NCAPG2: variants seen among roughly 807,000 people sequenced by gnomAD.
NCAPG2 encodes the protein non-SMC condensin II complex subunit G2, also known as condensin-2 complex subunit G2.
Under a neutral mutation model 141.1 loss-of-function variants are expected in NCAPG2, and 53 were observed. The ratio of observed to expected loss-of-function variants is 0.38; its 90% CI spans 0.30 to 0.47. The LOEUF (loss-of-function observed/expected upper bound fraction) is 0.47, where lower values mean the gene tolerates loss of function less well. Among genes scored for constraint, NCAPG2 ranks in the 20% least tolerant of loss-of-function variants. The probability of loss-of-function intolerance (pLI) is 0.99; values close to 1 mark genes in which losing one functional copy is unlikely to be tolerated. For synonymous variants in NCAPG2, 499 were observed against 490.7 expected (o/e 1.02, Z -0.22); for missense variants, 1,087 against 1,389.0 (o/e 0.78, Z 3.46).
At chr7:158,662,143 A>G in intron 16 of NCAPG2, 51 bp downstream of exon 16, 1 of 1,501,916 alleles carries the variant, frequency 6.7e-7, no homozygotes, top group Non-Finnish European at 8.9e-7. Context: ...TTAAATTCTA[A>G]ACAAACGTAA....
chr7:158,697,335 C>G (rs1368497287), intron 2 of NCAPG2, among the ~76,000 whole-genome samples: 3 of 152,206 alleles, frequency 2.0e-5, no homozygotes. Flanking sequence ...GGCATGGTGG[C>G]TCACACCTGT....
intron 16 of NCAPG2, among the ~76,000 whole-genome samples, chr7:158,660,476 G>A (rs1273593386): frequency 1.4e-5 from 2 of 141,460 alleles, no homozygotes; most frequent in Admixed American, 7.5e-5. Flanking sequence ...AGTGAGTGCA[G>A]TAGTATGATC....
chr7:158,684,357 G>A (rs375533606), intron 8 of NCAPG2, among the ~76,000 whole-genome samples: 1 of 152,206 alleles, frequency 6.6e-6, no homozygotes, highest in South Asian at 2.1e-4. Flanking sequence ...AAGGAAAGGA[G>A]GGAGGAATGC....
chr7:158,646,416 C>A (rs758062640), intron 25 of NCAPG2, 44 bp downstream of exon 25: 8 of 1,448,778 alleles, frequency 5.5e-6, no homozygotes, highest in Non-Finnish European at 7.6e-6. Flanking sequence ...TGAGCGCTTA[C>A]AGCCACGATG....
chr7:158,700,888 C>G (rs1452371577), intron 2 of NCAPG2, among the ~76,000 whole-genome samples: 1 of 152,156 alleles, frequency 6.6e-6, no homozygotes, highest in Non-Finnish European at 1.5e-5. Flanking sequence ...AGAGATGTGT[C>G]CTAGGCCCTT....
intron 22 of NCAPG2, among the ~76,000 whole-genome samples, 163 bp from the exon 23 acceptor site, chr7:158,652,643 C>T (rs1811932033): frequency 6.6e-6 from 1 of 152,142 alleles, no homozygotes; most frequent in Non-Finnish European, 1.5e-5. Context: ...TCAGGTTAAC[C>T]TAAATTCTAA....
At chr7:158,698,582 G>A (rs1419272503) in intron 2 of NCAPG2, among the ~76,000 whole-genome samples, 1 of 152,184 alleles carries the variant, frequency 6.6e-6, no homozygotes, top group Non-Finnish European at 1.5e-5. Flanking sequence ...GGTGTGTACT[G>A]AGCTGCTCCA....
At chr7:158,652,819 A>G (rs1217536212) in intron 22 of NCAPG2, among the ~76,000 whole-genome samples, 1 of 152,244 alleles carries the variant, frequency 6.6e-6, no homozygotes, top group Non-Finnish European at 1.5e-5. Flanking sequence ...ATTAGAGAAC[A>G]GTGTTGTTGG....
intron 27 of NCAPG2, 58 bp from the exon 28 acceptor site, chr7:158,631,775 T>A (rs946245064): frequency 1.5e-6 from 2 of 1,342,656 alleles, no homozygotes; most frequent in Non-Finnish European, 2.1e-6. Flanking sequence ...ATTATCCAAA[T>A]GTACATTTTC....
At chr7:158,642,405 G>A (rs1830712531) in intron 27 of NCAPG2, among the ~76,000 whole-genome samples, 1 of 152,080 alleles carries the variant, frequency 6.6e-6, no homozygotes, top group Non-Finnish European at 1.5e-5. Context: ...GTGCATGGTG[G>A]CACACTTCTG....
chr7:158,639,320 C>A (rs1049170091), intron 27 of NCAPG2, among the ~76,000 whole-genome samples: 10 of 152,148 alleles, frequency 6.6e-5, no homozygotes, highest in Non-Finnish European at 1.5e-4. Context: ...ATTGCCCAGG[C>A]TGGTTGCGAA....
chr7:158,690,731 C>T lies in NCAPG2; in HGVS notation c.383-9G>A, dbSNP rs754800302. 1.2e-6 allele frequency: 2 copies of T among 1,610,930 alleles called. No individual in the cohort carries two copies. The highest frequency in any genetic ancestry group is 1.7e-5 in the Admixed American group (1 of 59,644). ...TAATGCATATAAAATACCTAAAATA[C>T]AGCACAGTAATTTTCCAATTAGTAA... On this transcript the variant is annotated splice_polypyrimidine_tract_variant and intron_variant, in intron 4 of 27. Coordinates refer to ENST00000356309, the MANE Select transcript of NCAPG2 (RefSeq NM_017760.7).
intron 12 of NCAPG2, among the ~76,000 whole-genome samples, chr7:158,673,346 C>G (rs1833863855): frequency 6.6e-6 from 1 of 152,218 alleles, no homozygotes; most frequent in Non-Finnish European, 1.5e-5. Context: ...AAGGCCCCAT[C>G]AGAAATGAAG....
intron 22 of NCAPG2, among the ~76,000 whole-genome samples, chr7:158,653,975 C>A (rs1384088262): frequency 6.6e-6 from 1 of 151,584 alleles, no homozygotes; most frequent in African/African-American, 2.4e-5. Context: ...AGGGGCTAGG[C>A]GTCAGGGGCC....
intron 27 of NCAPG2, among the ~76,000 whole-genome samples, chr7:158,636,341 G>T (rs1472878534): frequency 6.6e-6 from 1 of 151,544 alleles, no homozygotes; most frequent in Non-Finnish European, 1.5e-5. Flanking sequence ...TTCATCTTCA[G>T]AATAGTATAC....
At position 158,662,367 on chromosome 7, in the gene NCAPG2, C is replaced by T; in HGVS notation, c.1816G>A (p.Val606Ile). The change falls in exon 16 of 28, where the codon GTT (valine) becomes ATT (isoleucine). Residue 606 changes from valine to isoleucine, a missense_variant and splice_region_variant. Physicochemically the swap from Val to Ile is conservative, Grantham distance 29 (BLOSUM62 3). Coordinates refer to ENST00000356309, the MANE Select transcript of NCAPG2 (RefSeq NM_017760.7). ...TTTACTGACAGTGTTTTGTCCAGAA[C>T]CTAAGATAAAAATAATTTTATTGTG... ...EDGREKENVT[V>I]LDKTLSVNDV... 1 of 1,543,806 alleles carries T rather than the reference C, an allele frequency of 6.5e-7. No individual in the cohort carries two copies. Among genetic ancestry groups the T allele is most frequent in the East Asian group, 2.3e-5 (1 of 42,766 alleles).
At chr7:158,701,747 G>A in intron 2 of NCAPG2, 75 bp downstream of exon 2, 1 of 1,285,376 alleles carries the variant, frequency 7.8e-7, no homozygotes, top group Non-Finnish European at 1.1e-6. Flanking sequence ...TGTTTCTTTT[G>A]GGGACATAAT....
chr7:158,650,711 CACTCAAGTTT>C, intron 24 of NCAPG2, 111 bp downstream of exon 24: 1 of 1,280,260 alleles, frequency 7.8e-7, no homozygotes, highest in Non-Finnish European at 1.1e-6. Context: ...GTGCACCACT[CACTCAAGTTT>C]GAAAATTCTT....
rs1426879568 is a variant in NCAPG2 at position 158,675,778 on chromosome 7, G to A, written c.1147-122C>T. 5.5e-5 allele frequency: 52 copies of A among 942,976 alleles called. 1 individual carries two copies. In the South Asian group the frequency reaches 7.5e-4, roughly 14 times the overall value. The allele number at this position is 942,976 out of a possible 1,614,324, so 58.4% of individuals were successfully genotyped here. A position where few individuals can be genotyped will look rare whatever the true frequency, so the allele number is the denominator to read the frequency against. The stretch of plus-strand genomic sequence containing the variant: ...GAGAAACTTTGAGCATAGAAATACT[G>A]GACACATATGGATTCCTAGACCTGA... On this transcript the variant is annotated intron_variant, in intron 11 of 27. Transcript: ENST00000356309.
Sources: allele counts gnomAD v4.1 joint callset (sites outside exome capture counted in the v4.1 genomes callset), GRCh38; gene constraint gnomAD v4.1.1; transcripts MANE v1.5; gene names NCBI Gene and HGNC (gene_info 2026-07-23, HGNC 2026-07-21).